The following NOS1AP variants were observed in gnomAD, a reference collection of about 807,000 sequenced individuals.
NOS1AP encodes the protein nitric oxide synthase 1 adaptor protein.
NOS1AP carries 21 observed loss-of-function variants against 56.2 expected under a neutral mutation model. That is an observed-to-expected ratio of 0.37 (90% CI 0.26 to 0.54). The LOEUF is 0.54. Among genes scored for constraint, NOS1AP ranks in the 20% least tolerant of loss-of-function variants. NOS1AP has a pLI of 0.84. For synonymous variants in NOS1AP, 270 were observed against 274.6 expected (o/e 0.98, Z 0.17); for missense variants, 522 against 657.8 (o/e 0.79, Z 2.26).
chr1:162,240,704 C>T (rs1254146447), intron 2 of NOS1AP, among the ~76,000 whole-genome samples: 1 of 152,212 alleles, frequency 6.6e-6, no homozygotes, highest in African/African-American at 2.4e-5. Flanking sequence ...TAAACAACCC[C>T]AAGGGAAAGA....
chr1:162,282,976 GC>G (rs1215123426), intron 2 of NOS1AP, among the ~76,000 whole-genome samples: 2 of 152,102 alleles, frequency 1.3e-5, no homozygotes, highest in Non-Finnish European at 2.9e-5. Context: ...AGGGAGACCT[GC>G]TTCCTATGAA....
chr1:162,137,458 G>C (rs1218968408), intron 1 of NOS1AP, among the ~76,000 whole-genome samples: 1 of 152,108 alleles, frequency 6.6e-6, no homozygotes, highest in East Asian at 1.9e-4. Flanking sequence ...ATGGTTTCTA[G>C]GATTGCTGTC....
chr1:162,348,083 G>A (rs1183404232), intron 6 of NOS1AP, among the ~76,000 whole-genome samples: 1 of 152,196 alleles, frequency 6.6e-6, no homozygotes, highest in Non-Finnish European at 1.5e-5. Context: ...TCTGTCTTTA[G>A]TGGAGTGTGA....
At chr1:162,149,057 G>A (rs1048611537) in intron 1 of NOS1AP, among the ~76,000 whole-genome samples, 10 of 152,300 alleles carry the variant, frequency 6.6e-5, no homozygotes, top group African/African-American at 2.4e-4. Flanking sequence ...AGGGGAAAAA[G>A]GATGAGTTTC....
intron 2 of NOS1AP, among the ~76,000 whole-genome samples, chr1:162,185,943 G>C (rs1460211936): frequency 1.3e-5 from 2 of 152,206 alleles, no homozygotes; most frequent in African/African-American, 4.8e-5. Context: ...AACTTTAGGA[G>C]GAGGTCCTAG....
chr1:162,316,396 G>C (rs1354795656), intron 4 of NOS1AP, among the ~76,000 whole-genome samples: 1 of 152,254 alleles, frequency 6.6e-6, no homozygotes, highest in Non-Finnish European at 1.5e-5. Flanking sequence ...ACTAAGCAAA[G>C]CTGCCTTTGA....
intron 4 of NOS1AP, among the ~76,000 whole-genome samples, chr1:162,307,640 A>G (rs897083007): frequency 2.6e-5 from 4 of 152,036 alleles, no homozygotes; most frequent in South Asian, 2.1e-4. Context: ...AGCCTCTACT[A>G]AAAATACAGA....
At chr1:162,141,889 T>A (rs1649251097) in intron 1 of NOS1AP, among the ~76,000 whole-genome samples, 1 of 152,054 alleles carries the variant, frequency 6.6e-6, no homozygotes, top group Non-Finnish European at 1.5e-5. Context: ...TATGATGGAG[T>A]CTTTATAGTG....
intron 2 of NOS1AP, among the ~76,000 whole-genome samples, chr1:162,155,288 A>ATG (rs1557808084): frequency 7.0e-5 from 10 of 141,862 alleles, no homozygotes; most frequent in Non-Finnish European, 9.2e-5. Context: ...ACACATATAT[A>ATG]CATATATATG....
intron 2 of NOS1AP, among the ~76,000 whole-genome samples, chr1:162,245,545 T>C (rs946421692): frequency 2.0e-5 from 3 of 152,182 alleles, no homozygotes; most frequent in African/African-American, 7.2e-5. Flanking sequence ...CCAAGAGAAA[T>C]GAAAGCATAT....
intron 2 of NOS1AP, among the ~76,000 whole-genome samples, chr1:162,226,107 A>G (rs1210415711): frequency 6.6e-6 from 1 of 151,980 alleles, no homozygotes; most frequent in Non-Finnish European, 1.5e-5. Context: ...CAGCCTGACC[A>G]ACATGGAGAA....
intron 1 of NOS1AP, among the ~76,000 whole-genome samples, chr1:162,113,110 G>A (rs2102042413): frequency 6.6e-6 from 1 of 152,272 alleles, no homozygotes; most frequent in South Asian, 2.1e-4. Context: ...AGGGAGTTAA[G>A]TTGACAGGAT....
chr1:162,347,492 T>G (rs1457524600), intron 6 of NOS1AP, among the ~76,000 whole-genome samples: 2 of 152,242 alleles, frequency 1.3e-5, no homozygotes, highest in Non-Finnish European at 2.9e-5. Flanking sequence ...AATCTCCAAG[T>G]ACTTAATCAG....
Position 162,321,727 on chromosome 1 carries a change from AAAAAAT to A in NOS1AP, c.345-11288_345-11283del, listed in dbSNP as rs1313177486. 6.6e-3 allele frequency among the ~76,000 whole-genome samples: 866 copies of A among 130,516 alleles called. 8 individuals are homozygous for A. The highest frequency in any genetic ancestry group is 0.026 in the African/African-American group (822 of 31,608). 85.6% of individuals were successfully genotyped at this position (130,516 alleles called of 152,430 possible). ...AGAACTTAAAGTATAATTAAAAAAA[AAAAAAT>A]ATATATATATATATATATAAAAGCA... On this transcript the variant is annotated intron_variant, in intron 4 of 9. Transcript: ENST00000361897.
chr1:162,305,718 C>T (rs1036352085), intron 4 of NOS1AP, among the ~76,000 whole-genome samples: 8 of 152,098 alleles, frequency 5.3e-5, no homozygotes, highest in Non-Finnish European at 1.2e-4. Context: ...TTTTTACCCC[C>T]ACAATATGAA....
chr1:162,192,937 G>A (rs774917351), intron 2 of NOS1AP, among the ~76,000 whole-genome samples: 1 of 152,050 alleles, frequency 6.6e-6, no homozygotes, highest in African/African-American at 2.4e-5. Context: ...TCTGATTTCA[G>A]CCAGACCCTC....
intron 1 of NOS1AP, among the ~76,000 whole-genome samples, chr1:162,074,706 G>C (rs1291832023): frequency 6.6e-6 from 1 of 152,162 alleles, no homozygotes; most frequent in African/African-American, 2.4e-5. Context: ...GCAGGGCTTG[G>C]CTGGGCTGTT....
At chr1:162,114,685 T>G (rs1647864424) in intron 1 of NOS1AP, among the ~76,000 whole-genome samples, 1 of 152,212 alleles carries the variant, frequency 6.6e-6, no homozygotes, top group South Asian at 2.1e-4. Flanking sequence ...TCAACAACCT[T>G]CCTTGCTAGG....
At chr1:162,281,609 A>G (rs1654929989) in intron 2 of NOS1AP, among the ~76,000 whole-genome samples, 1 of 152,170 alleles carries the variant, frequency 6.6e-6, no homozygotes, top group Non-Finnish European at 1.5e-5. Context: ...CACCAGGCAG[A>G]TGGTGTGGGG....
Sources: gnomAD v4.1 joint callset for allele counts (sites outside exome capture counted in the v4.1 genomes callset) on GRCh38, gnomAD v4.1.1 for gene constraint, MANE v1.5 for transcripts, NCBI Gene and HGNC (gene_info 2026-07-23, HGNC 2026-07-21) for gene names.